Variants in SIPA1 observed in about 807,000 individuals in gnomAD.
SIPA1 encodes the protein signal-induced proliferation-associated protein 1.
Under a neutral mutation model 88.1 loss-of-function variants are expected in SIPA1, and 51 were observed. The observed-to-expected ratio is 0.58, with a 90% CI of 0.46 to 0.73. SIPA1 has a LOEUF of 0.73. Among genes scored for constraint, SIPA1 ranks in the 30% least tolerant of loss-of-function variants. The pLI is 0.00. For missense variants in SIPA1, 1,348 were observed against 1,467.6 expected (o/e 0.92, Z 1.33); for synonymous variants, 681 against 664.8 (o/e 1.02, Z -0.37).
chr11:65,648,300 A>C (rs768044417), intron 9 of SIPA1, among the ~76,000 whole-genome samples: 1 of 152,040 alleles, frequency 6.6e-6, no homozygotes, highest in Admixed American at 6.6e-5. Context: ...CACACACTAC[A>C]CACTATTGAT....
chr11:65,648,777 C>T (rs1324591208), intron 9 of SIPA1, among the ~76,000 whole-genome samples: 2 of 150,916 alleles, frequency 1.3e-5, no homozygotes, highest in Non-Finnish European at 2.9e-5. Flanking sequence ...AGGAGGTTGC[C>T]ATGAGCTGTG....
intron 9 of SIPA1, among the ~76,000 whole-genome samples, chr11:65,648,210 C>T (rs945378756): frequency 5.9e-5 from 9 of 152,100 alleles, no homozygotes; most frequent in Admixed American, 1.3e-4. Flanking sequence ...CAGTTAAGCG[C>T]GTTGCTCCCA....
chr11:65,638,954 C>T (rs1855951355), intron 1 of SIPA1, among the ~76,000 whole-genome samples: 1 of 152,232 alleles, frequency 6.6e-6, no homozygotes, highest in Non-Finnish European at 1.5e-5. Flanking sequence ...CTCCTTCACA[C>T]ACTATAGCCC....
rs146081434 is a variant in SIPA1, at chr11:65,650,296, T to G, written c.2903+104T>G. ...CTGTCCTGGGCTCTGCTGCCACATA[T>G]GCCTAGAAGACCAGCGGGGCCCCTC... is the stretch of plus-strand genomic sequence containing the variant. On this transcript the variant is annotated intron_variant, in intron 14 of 15. Coordinates refer to ENST00000534313, the MANE Select transcript of SIPA1 (RefSeq NM_006747.4). 7.8e-6 allele frequency: 12 copies of G among 1,533,980 alleles called. No homozygotes were observed. In the South Asian group the frequency reaches 1.4e-4, roughly 17 times the overall value.
rs775553626 is a variant in SIPA1 at position 65,649,417 on chromosome 11, C to A, written c.2462C>A (p.Pro821His). ...CLQDGGSPPG[P>H]GDLAEERTEF... ...CAAGATGGTGGCAGTCCTCCAGGGC[C>A]TGGGGATCTGGCCGAGGAGAGGACT... The change falls in exon 10 of 16, where the codon CCT becomes CAT. Residue 821 changes from proline (P) to histidine (H), a missense_variant. By Grantham distance (77) the Pro-to-His change is moderately conservative (BLOSUM62 -2). This residue lies in a region of SIPA1 where 615 missense variants were observed against 559.8 expected (regional missense o/e 1.10). Transcript: ENST00000534313. 1.3e-6 allele frequency: 2 copies of A among 1,595,502 alleles called. No homozygotes were observed. The highest frequency in any genetic ancestry group is 2.3e-5 in the South Asian group (2 of 88,748).
At chr11:65,645,261 T>A in intron 5 of SIPA1, 132 bp downstream of exon 5, 1 of 922,864 alleles carries the variant, frequency 1.1e-6, no homozygotes, top group Non-Finnish European at 1.6e-6. Flanking sequence ...GCTAAGGATC[T>A]GAGTCAGGGC....
rs1856242858 is a variant in SIPA1 at position 65,650,460 on chromosome 11, T to C, written c.2963T>C (p.Leu988Pro). 1 of 1,614,032 alleles carries C rather than the reference T, an allele frequency of 6.2e-7. No individual in the cohort carries two copies. The highest frequency in any genetic ancestry group is 1.3e-5 in the African/African-American group (1 of 74,926). ...VSHLESMLRK[L>P]QEDLQKEKAD... ...CACTTGGAGTCCATGCTCAGGAAGC[T>C]GCAGGAGGACCTGCAGAAGGTGAGG... Residue 988 changes from leucine (L) to proline (P), a missense_variant, in exon 15 of 16, where the codon CTG becomes CCG. Physicochemically the swap from Leu to Pro is moderately conservative, Grantham distance 98. Around this residue, in one of 4 missense-constraint regions of SIPA1, gnomAD observed 615 missense variants for 559.8 expected, o/e 1.10. Transcript: ENST00000534313.
Position 65,645,749 on chromosome 11 carries a change from C to T in SIPA1, c.1160-105C>T, listed in dbSNP as rs962062334. ...GGTGGCATGACTGGTTGTCCACCTG[C>T]TGTTTGGGGCACAGAGGCTCCTGTG... is the stretch of plus-strand genomic sequence containing the variant. On this transcript the variant is annotated intron_variant, in intron 5 of 15. Coordinates refer to ENST00000534313, the MANE Select transcript of SIPA1 (RefSeq NM_006747.4). 7.2e-5 allele frequency: 50 copies of T among 691,850 alleles called. 1 individual carries two copies. The South Asian group carries it at 7.7e-4, about 11-fold the overall frequency. The allele number at this position is 691,850 out of a possible 1,614,324, so 42.9% of individuals were successfully genotyped here.
At chr11:65,647,088 G>A (rs1475448556) in intron 8 of SIPA1, 23 bp downstream of exon 8, 3 of 1,496,424 alleles carry the variant, frequency 2.0e-6, no homozygotes, top group African/African-American at 2.8e-5. Context: ...GGTAAACTGG[G>A]GCCCCTGCGC....
chr11:65,645,917 T>G lies in SIPA1; in HGVS notation c.1223T>G (p.Val408Gly). The change falls in exon 6 of 16, where the codon GTG becomes GGG. Residue 408 changes from valine (V) to glycine (G), a missense_variant. This residue lies in a region of SIPA1 where 641 missense variants were observed against 797.7 expected (regional missense o/e 0.80). Transcript: ENST00000534313. ...CAGGACCACGAGATCATGTTCCACGTGTCCACGATGCTGCCTTACACCCCT... is the reference window on the plus strand; with the variant it reads ...CAGGACCACGAGATCATGTTCCACGGGTCCACGATGCTGCCTTACACCCCT... ...TYQDHEIMFH[V>G]STMLPYTPNN... 6.2e-7 allele frequency: 1 copy of G among 1,613,464 alleles called. No individual in the cohort carries two copies. The highest frequency in any genetic ancestry group is 1.1e-5 in the South Asian group (1 of 91,008).
At position 65,641,050 on chromosome 11, in the gene SIPA1, G is replaced by C. The variant is rs765093518; in HGVS notation, c.129G>C (p.Pro43=). 1.3e-6 allele frequency: 2 copies of C among 1,595,936 alleles called. No individual in the cohort carries two copies. Among genetic ancestry groups the C allele is most frequent in the Non-Finnish European group, 1.7e-6 (2 of 1,175,388 alleles). The change falls in exon 2 of 16, where the codon CCG becomes CCC. Residue 43 remains proline, a synonymous_variant. Transcript: ENST00000534313. ...RPPLTPHTFE[P]RPVRGPLLRS... ...CGCTGACACCGCACACCTTCGAGCC[G>C]AGGCCAGTCCGGGGCCCACTCCTGC...
Position 65,646,538 on chromosome 11 carries a change from G to A in SIPA1, c.1504G>A (p.Asp502Asn), listed in dbSNP as rs748683552. 2 of 1,559,112 alleles carry A rather than the reference G, an allele frequency of 1.3e-6. No individual in the cohort carries two copies. Among genetic ancestry groups the A allele is most frequent in the South Asian group, 1.2e-5 (1 of 86,614 alleles). The change falls in exon 8 of 16, where the codon GAC becomes AAC. Residue 502 changes from aspartate (D) to asparagine (N), a missense_variant. By Grantham distance (23) the Asp-to-Asn change is conservative (BLOSUM62 1). Around this residue, in one of 4 missense-constraint regions of SIPA1, gnomAD observed 641 missense variants for 797.7 expected, o/e 0.80. Coordinates refer to ENST00000534313, the MANE Select transcript of SIPA1 (RefSeq NM_006747.4). This position sits in a 1 kb window ranked among gnomAD's most constrained non-coding sequence, Gnocchi z 7.5. ...CGGAGGCCCCTTCGCAGCCAACGCCGACTTCCGGGCCTTCCTGCTGGCCAA... is the reference window on the plus strand; with the variant it reads ...CGGAGGCCCCTTCGCAGCCAACGCCAACTTCCGGGCCTTCCTGCTGGCCAA... ...AGGGPFAANA[D>N]FRAFLLAKAL...
In SIPA1 at chr11:65,649,164, C is replaced by T. The variant is rs1440557089; in HGVS notation, c.2307-98C>T. ...GTTGTCAGGATGCCGGGGAGCTCTCCTGCTCCTGGAAGTGAGCCTGGCGGG... is the reference window on the plus strand; with the variant it reads ...GTTGTCAGGATGCCGGGGAGCTCTCTTGCTCCTGGAAGTGAGCCTGGCGGG... On this transcript the variant is annotated intron_variant, in intron 9 of 15. Transcript: ENST00000534313. The T allele has an allele frequency of 7.0e-6, 6 of 860,298 alleles. No individual in the cohort carries two copies. The African/African-American group carries it at 8.5e-5, about 12-fold the overall frequency. 53.3% of individuals were successfully genotyped at this position (860,298 alleles called of 1,614,324 possible).
intron 8 of SIPA1, 113 bp from the exon 9 acceptor site, chr11:65,647,271 G>A: frequency 1.5e-6 from 2 of 1,367,944 alleles, no homozygotes; most frequent in Non-Finnish European, 1.9e-6. Flanking sequence ...GGCACACGCG[G>A]CCCTCGGGGA....
In SIPA1 at chr11:65,650,681, A is replaced by G. The variant is rs1158967121; in HGVS notation, c.3095A>G (p.Lys1032Arg). ...GCCACACGCCTCCTCCTGGCCTCCAAGCAGCTGGGCTCACCCACCGCCGAC... is the reference window on the plus strand; with the variant it reads ...GCCACACGCCTCCTCCTGGCCTCCAGGCAGCTGGGCTCACCCACCGCCGAC... ...SAATRLLLASKQLGSPTADLA is the reference protein window; with the variant it reads ...SAATRLLLASRQLGSPTADLA Residue 1032 changes from lysine (K) to arginine (R), a missense_variant, in exon 16 of 16, where the codon AAG becomes AGG. Transcript: ENST00000534313. The G allele has an allele frequency of 6.3e-7, 1 of 1,580,278 alleles. No homozygotes were observed. Among genetic ancestry groups the G allele is most frequent in the East Asian group, 2.3e-5 (1 of 43,254 alleles).
Position 65,649,992 on chromosome 11 carries a change from A to G in SIPA1, c.2789A>G (p.Gln930Arg). The change falls in exon 13 of 16, where the codon CAG becomes CGG. Residue 930 changes from glutamine (Q) to arginine (R), a missense_variant. This residue lies in a region of SIPA1 where 615 missense variants were observed against 559.8 expected (regional missense o/e 1.10). Transcript: ENST00000534313. The part of the protein sequence containing the change: ...AGSGTLEDEW[Q>R]AISEIASTCN... ...AGTGGGACCCTGGAGGACGAGTGGCAGGCCATCTCGGAGATTGCCTCTACT... is the reference window on the plus strand; with the variant it reads ...AGTGGGACCCTGGAGGACGAGTGGCGGGCCATCTCGGAGATTGCCTCTACT... The G allele has an allele frequency of 2.5e-6, 4 of 1,613,898 alleles. No individual in the cohort carries two copies. Among genetic ancestry groups the G allele is most frequent in the Non-Finnish European group, 2.5e-6 (3 of 1,179,954 alleles).
intron 9 of SIPA1, 28 bp downstream of exon 9, chr11:65,647,686 G>A: frequency 2.3e-6 from 3 of 1,321,572 alleles, no homozygotes; most frequent in Non-Finnish European, 2.9e-6. Flanking sequence ...GCGGGGAGGT[G>A]GGAGGGCCGG....
chr11:65,649,216 C>T (rs952071485), intron 9 of SIPA1, 46 bp from the exon 10 acceptor site: 11 of 1,369,822 alleles, frequency 8.0e-6, no homozygotes, highest in South Asian at 2.9e-5. Context: ...TGATGCAGGA[C>T]GCTGGGGACT....
chr11:65,649,188 G>T, intron 9 of SIPA1, 74 bp from the exon 10 acceptor site: 1 of 1,094,366 alleles, frequency 9.1e-7, no homozygotes, highest in Admixed American at 2.8e-5. Flanking sequence ...GAGCCTGGCG[G>T]GCTGGGGGTG....
Sources: allele counts gnomAD v4.1 joint callset (sites outside exome capture counted in the v4.1 genomes callset), GRCh38; gene constraint gnomAD v4.1.1; regional missense constraint gnomAD v4.1.1; non-coding constraint Gnocchi (gnomAD v3.1); transcripts MANE v1.5; gene names NCBI Gene and HGNC (gene_info 2026-07-23, HGNC 2026-07-21).